ATP10D: variants seen among roughly 807,000 people sequenced by gnomAD.
The protein encoded by ATP10D is phospholipid-transporting ATPase VD.
Under a neutral mutation model 144.8 loss-of-function variants are expected in ATP10D, and 89 were observed. That is an observed-to-expected ratio of 0.61 (90% CI 0.52 to 0.73). The LOEUF (loss-of-function observed/expected upper bound fraction) is 0.73. Ranked by LOEUF, ATP10D falls within the 30% of genes least tolerant of loss-of-function variation. The pLI is 0.00. For synonymous variants in ATP10D, 571 were observed against 615.1 expected (o/e 0.93, Z 1.06); for missense variants, 1,603 against 1,714.8 (o/e 0.93, Z 1.15).
chr4:47,554,771 C>A lies in ATP10D; in HGVS notation c.1681C>A (p.Gln561Lys). 6.2e-7 allele frequency: 1 copy of A among 1,613,436 alleles called. No individual in the cohort carries two copies. The highest frequency in any genetic ancestry group is 8.5e-7 in the Non-Finnish European group (1 of 1,179,654). ...CACCAGGCTTTTAGACAAATTTAGT[C>A]AGATTACACCTCGGCTCTTTATGCC... ...PDTRLLDKFS[Q>K]ITPRLFMPLD... The change falls in exon 11 of 23, where the codon CAG becomes AAG. Residue 561 changes from glutamine (Q) to lysine (K), a missense_variant. Physicochemically the swap from Gln to Lys is moderately conservative, Grantham distance 53 (BLOSUM62 1). Coordinates refer to ENST00000273859, the MANE Select transcript of ATP10D (RefSeq NM_020453.4).
chr4:47,499,616 C>T (rs929524244), intron 1 of ATP10D, among the ~76,000 whole-genome samples: 9 of 152,216 alleles, frequency 5.9e-5, no homozygotes, highest in Middle Eastern at 3.4e-3. Context: ...ATAAAGAATA[C>T]GCTTGTGCTC....
intron 10 of ATP10D, among the ~76,000 whole-genome samples, chr4:47,548,834 G>T (rs1718574440): frequency 6.6e-6 from 1 of 152,134 alleles, no homozygotes; most frequent in African/African-American, 2.4e-5. Context: ...GAAGACTAAA[G>T]ATTATTTTGA....
At chr4:47,526,792 A>G (rs1402722092) in intron 5 of ATP10D, among the ~76,000 whole-genome samples, 2 of 152,160 alleles carry the variant, frequency 1.3e-5, no homozygotes, top group East Asian at 1.9e-4. Context: ...ATGCTTAAGT[A>G]TAAATCTGAC....
At chr4:47,549,731 C>T (rs951101810) in intron 10 of ATP10D, among the ~76,000 whole-genome samples, 2 of 152,148 alleles carry the variant, frequency 1.3e-5, no homozygotes, top group East Asian at 1.9e-4. Flanking sequence ...GAATGATCAC[C>T]TCTAAGGGAG....
chr4:47,497,225 G>A (rs1715434176), intron 1 of ATP10D, among the ~76,000 whole-genome samples: 1 of 152,184 alleles, frequency 6.6e-6, no homozygotes, highest in East Asian at 1.9e-4. Flanking sequence ...GGAGGCTGAG[G>A]TGGGCAGATT....
At chr4:47,532,718 A>G (rs1717629777) in intron 5 of ATP10D, among the ~76,000 whole-genome samples, 1 of 152,132 alleles carries the variant, frequency 6.6e-6, no homozygotes, top group Non-Finnish European at 1.5e-5. Flanking sequence ...TTCATGCTCT[A>G]AGGTAGAACT....
In ATP10D at chr4:47,512,727, G is replaced by A. The variant is rs370135326; in HGVS notation, c.187G>A (p.Glu63Lys). 4 of 1,614,104 alleles carry A rather than the reference G, an allele frequency of 2.5e-6. No individual in the cohort carries two copies. Among genetic ancestry groups the A allele is most frequent in the Non-Finnish European group, 2.5e-6 (3 of 1,180,028 alleles). ...VVPHIQPFKD[E>K]YEKFSGAYVN... ...TCCCCACATCCAGCCCTTCAAGGAT[G>A]AGTATGAGAAGTTCTCCGGAGCCTA... The change falls in exon 2 of 23, where the codon GAG becomes AAG. Residue 63 changes from glutamate to lysine, a missense_variant. Glu to Lys is a moderately conservative substitution (Grantham distance 56). Transcript: ENST00000273859.
At chr4:47,494,224 T>TC (rs1407763061) in intron 1 of ATP10D, among the ~76,000 whole-genome samples, 1 of 152,062 alleles carries the variant, frequency 6.6e-6, no homozygotes, top group Non-Finnish European at 1.5e-5. Flanking sequence ...TAAGACTTTT[T>TC]CCCCCCGGTT....
At chr4:47,534,970 A>C (rs1011708469) in intron 5 of ATP10D, among the ~76,000 whole-genome samples, 9 of 152,130 alleles carry the variant, frequency 5.9e-5, no homozygotes, top group Non-Finnish European at 8.8e-5. Flanking sequence ...ACACCATGGA[A>C]TACTATGCAG....
At chr4:47,574,104 C>G (rs1274941028) in intron 18 of ATP10D, among the ~76,000 whole-genome samples, 2 of 152,150 alleles carry the variant, frequency 1.3e-5, no homozygotes, top group African/African-American at 4.8e-5. Context: ...AAGAGAAGCC[C>G]CTCTCCCAAG....
In ATP10D at chr4:47,591,030, C is replaced by T; in HGVS notation, c.3942-12C>T. On this transcript the variant is annotated splice_polypyrimidine_tract_variant and intron_variant, in intron 22 of 22. Coordinates refer to ENST00000273859, the MANE Select transcript of ATP10D (RefSeq NM_020453.4). ...GATGAATTTAATTCTAATGATGTTC[C>T]TTGTCACCTAGGTTTGTATACAGAG... 1 of 1,519,352 alleles carries T rather than the reference C, an allele frequency of 6.6e-7. No homozygotes were observed. The highest frequency in any genetic ancestry group is 8.9e-7 in the Non-Finnish European group (1 of 1,125,024). 94.1% of individuals were successfully genotyped at this position (1,519,352 alleles called of 1,614,324 possible).
intron 1 of ATP10D, among the ~76,000 whole-genome samples, chr4:47,503,936 A>T (rs980534504): frequency 3.3e-5 from 5 of 152,114 alleles, no homozygotes; most frequent in Non-Finnish European, 5.9e-5. Context: ...AAAATAAAAT[A>T]AAATTAAGTA....
At chr4:47,525,073 G>T (rs1469432552) in intron 4 of ATP10D, among the ~76,000 whole-genome samples, 1 of 151,980 alleles carries the variant, frequency 6.6e-6, no homozygotes, top group Non-Finnish European at 1.5e-5. Context: ...GAAATTATCT[G>T]TCTGATCCAT....
intron 9 of ATP10D, among the ~76,000 whole-genome samples, chr4:47,546,416 A>C (rs1359732273): frequency 6.6e-6 from 1 of 152,164 alleles, no homozygotes; most frequent in Non-Finnish European, 1.5e-5. Flanking sequence ...AGATTTGACG[A>C]TGGAAAAAGA....
Position 47,580,480 on chromosome 4 carries a change from T to C in ATP10D, c.3648+2T>C. On this transcript the variant is annotated splice_donor_variant, in intron 20 of 22. Transcript: ENST00000273859. LOFTEE classifies it high-confidence loss of function. ...GTCTGCTTCTTTGTGCCTTATTTTG[T>C]GAGTCTTTGTTCACTCAGTATATTT... is the stretch of plus-strand genomic sequence containing the variant. The C allele has an allele frequency of 1.9e-6, 3 of 1,607,930 alleles. No individual in the cohort carries two copies. Among genetic ancestry groups the C allele is most frequent in the Non-Finnish European group, 2.6e-6 (3 of 1,174,444 alleles).
At chr4:47,498,437 A>G (rs1451575184) in intron 1 of ATP10D, among the ~76,000 whole-genome samples, 1 of 152,212 alleles carries the variant, frequency 6.6e-6, no homozygotes, top group Non-Finnish European at 1.5e-5. Flanking sequence ...TTTGAGGACC[A>G]CTGCTCTAAT....
intron 1 of ATP10D, among the ~76,000 whole-genome samples, chr4:47,498,719 C>T (rs752503930): frequency 3.3e-5 from 5 of 152,210 alleles, no homozygotes; most frequent in Non-Finnish European, 5.9e-5. Flanking sequence ...TCGTTGAGGG[C>T]ATGTTATATG....
intron 1 of ATP10D, among the ~76,000 whole-genome samples, chr4:47,489,134 G>A (rs115335577): frequency 0.027 from 4,075 of 152,188 alleles, 175 homozygotes; most frequent in African/African-American, 0.092. Flanking sequence ...TGAGCAATTC[G>A]CAAAAGACAA....
intron 18 of ATP10D, among the ~76,000 whole-genome samples, chr4:47,574,773 C>T (rs770486422): frequency 6.6e-6 from 1 of 151,812 alleles, no homozygotes; most frequent in Admixed American, 6.6e-5. Context: ...TTTAATGAGA[C>T]ACTTTACAGA....
Sources: allele counts gnomAD v4.1 joint callset (sites outside exome capture counted in the v4.1 genomes callset), GRCh38; gene constraint gnomAD v4.1.1; transcripts MANE v1.5; gene names NCBI Gene and HGNC (gene_info 2026-07-23, HGNC 2026-07-21).